The following MAGI1 variants were observed in gnomAD, a reference collection of about 807,000 sequenced individuals.
The protein encoded by MAGI1 is membrane-associated guanylate kinase, WW and PDZ domain-containing protein 1.
Under a neutral mutation model 139.9 loss-of-function variants are expected in MAGI1, and 58 were observed. The ratio of observed to expected loss-of-function variants is 0.41; its 90% CI spans 0.34 to 0.52. The LOEUF is 0.52. Ranked by LOEUF, MAGI1 falls within the 20% of genes least tolerant of loss-of-function variation. The pLI is 0.12. For missense variants in MAGI1, 1,874 were observed against 1,901.6 expected (o/e 0.99, Z 0.27); for synonymous variants, 812 against 737.9 (o/e 1.10, Z -1.63).
At chr3:65,454,598 A>C (rs1168758506) in intron 5 of MAGI1, among the ~76,000 whole-genome samples, 1 of 150,754 alleles carries the variant, frequency 6.6e-6, no homozygotes, top group Non-Finnish European at 1.5e-5. Flanking sequence ...GTTTTTTTAA[A>C]AATTAAGTTC....
chr3:65,734,570 GGAGAGAGAGAGA>G (rs143441869), intron 1 of MAGI1, among the ~76,000 whole-genome samples: 1 of 145,942 alleles, frequency 6.9e-6, no homozygotes, highest in Admixed American at 6.9e-5. Context: ...AGAGAGAGAG[GGAGAGAGAGAGA>G]GAGAGGGAGA....
intron 1 of MAGI1, among the ~76,000 whole-genome samples, chr3:65,834,045 A>AC (rs1240376692): frequency 6.6e-6 from 1 of 152,242 alleles, no homozygotes; most frequent in East Asian, 1.9e-4. Flanking sequence ...TGTGGTGAAC[A>AC]CAACACATGT....
intron 2 of MAGI1, among the ~76,000 whole-genome samples, chr3:65,505,267 A>C (rs1477540449): frequency 6.6e-6 from 1 of 152,180 alleles, no homozygotes; most frequent in African/African-American, 2.4e-5. Flanking sequence ...ATATTAAAAG[A>C]AAATAATTAT....
rs2078659531 is a variant in MAGI1, at chr3:65,530,789, ACG to A, written c.431-37160_431-37159del. ...TATATATATACACACATATATATAC[ACG>A]TATATATATATATACACACATATAT... On this transcript the variant is annotated intron_variant, in intron 2 of 22. Transcript: ENST00000402939. Among the ~76,000 whole-genome samples, 2 of 82,612 alleles carry A rather than the reference ACG, an allele frequency of 2.4e-5. 1 individual carries two copies. The highest frequency in any genetic ancestry group is 4.6e-5 in the Non-Finnish European group (2 of 43,350). 54.2% of individuals were successfully genotyped at this position (82,612 alleles called of 152,430 possible).
rs376038128 is a variant in MAGI1, at chr3:65,442,766, T to C, written c.1136+26A>G. 10 of 1,573,572 alleles carry C rather than the reference T, an allele frequency of 6.4e-6. No homozygotes were observed. The African/African-American group carries it at 8.1e-5, about 13-fold the overall frequency. On this transcript the variant is annotated intron_variant, in intron 8 of 22. Coordinates refer to ENST00000402939, the MANE Select transcript of MAGI1 (RefSeq NM_001033057.2). ...ATAATTATAGAGAGGTATAAACTAA[T>C]GTGTGGATTGTGAATGGGCACTTAC...
intron 1 of MAGI1, among the ~76,000 whole-genome samples, chr3:65,658,676 G>A (rs1468042799): frequency 6.6e-6 from 1 of 152,154 alleles, no homozygotes; most frequent in Non-Finnish European, 1.5e-5. Context: ...CAGCTGGGAG[G>A]AGCAAGGCTA....
chr3:65,652,142 C>CA (rs1248942412), intron 1 of MAGI1, among the ~76,000 whole-genome samples: 3 of 152,100 alleles, frequency 2.0e-5, no homozygotes, highest in African/African-American at 7.2e-5. Context: ...CACGCCTGTG[C>CA]AGTGGAGCCA....
intron 1 of MAGI1, among the ~76,000 whole-genome samples, chr3:65,772,699 C>T (rs1294296150): frequency 6.6e-6 from 1 of 152,176 alleles, no homozygotes; most frequent in Non-Finnish European, 1.5e-5. Flanking sequence ...AATCAGGAAG[C>T]TAACAAACTT....
chr3:65,461,577 C>T (rs556445867), intron 5 of MAGI1, among the ~76,000 whole-genome samples: 1 of 151,644 alleles, frequency 6.6e-6, no homozygotes, highest in East Asian at 2.0e-4. Flanking sequence ...CAAGCTCCGC[C>T]TCCCGGGTTC....
At chr3:65,765,387 A>G (rs939254909) in intron 1 of MAGI1, among the ~76,000 whole-genome samples, 32 of 152,318 alleles carry the variant, frequency 2.1e-4, no homozygotes, top group African/African-American at 7.2e-4. Flanking sequence ...GGACAACTAT[A>G]AAGAAACCAA....
intron 1 of MAGI1, among the ~76,000 whole-genome samples, chr3:65,893,009 G>A (rs543066835): frequency 4.6e-5 from 7 of 152,234 alleles, no homozygotes; most frequent in African/African-American, 1.7e-4. Flanking sequence ...TAACACACCA[G>A]AGAAGGACAC....
chr3:65,989,398 T>C (rs1247620728), intron 1 of MAGI1, among the ~76,000 whole-genome samples: 1 of 152,174 alleles, frequency 6.6e-6, no homozygotes, highest in African/African-American at 2.4e-5. Context: ...GCATTGGTAT[T>C]TTTTTATATC....
At chr3:65,589,089 T>C (rs2081834662) in intron 2 of MAGI1, among the ~76,000 whole-genome samples, 1 of 152,068 alleles carries the variant, frequency 6.6e-6, no homozygotes, top group Non-Finnish European at 1.5e-5. Context: ...GAGTAAACAG[T>C]TTACAGTATG....
intron 1 of MAGI1, among the ~76,000 whole-genome samples, chr3:65,812,460 T>TCACACACACACACACA (rs1241847173): frequency 1.0e-5 from 1 of 99,176 alleles, no homozygotes; most frequent in Admixed American, 1.1e-4. Context: ...TCTCTCTCTC[T>TCACACACACACACACA]CTCTCTCTCA....
At chr3:65,821,567 A>G (rs2041953277) in intron 1 of MAGI1, among the ~76,000 whole-genome samples, 1 of 152,194 alleles carries the variant, frequency 6.6e-6, no homozygotes, top group African/African-American at 2.4e-5. Flanking sequence ...GACTTTGTCA[A>G]TCCAATCTTC....
intron 2 of MAGI1, among the ~76,000 whole-genome samples, chr3:65,498,492 T>C (rs1194241206): frequency 6.6e-6 from 1 of 152,180 alleles, no homozygotes; most frequent in East Asian, 1.9e-4. Flanking sequence ...TTCTCAGATG[T>C]TCACTTATGT....
intron 2 of MAGI1, among the ~76,000 whole-genome samples, chr3:65,568,360 C>A (rs2108054191): frequency 6.6e-6 from 1 of 152,006 alleles, no homozygotes; most frequent in Middle Eastern, 3.4e-3. Flanking sequence ...CTTGTTATAT[C>A]CATGCAGGCA....
chr3:65,480,585 C>CT (rs71102864), intron 3 of MAGI1, among the ~76,000 whole-genome samples: 1,242 of 99,048 alleles, frequency 0.013, 31 homozygotes, highest in African/African-American at 0.04. Flanking sequence ...AATAAGGTTT[C>CT]TTTTTTTTTT....
At chr3:65,525,230 T>C (rs74970410) in intron 2 of MAGI1, among the ~76,000 whole-genome samples, 1,928 of 152,246 alleles carry the variant, frequency 0.013, 33 homozygotes, top group African/African-American at 0.045. Flanking sequence ...ACCACCTCTC[T>C]ATGGACAGAC....
Sources: gnomAD v4.1 joint callset for allele counts (sites outside exome capture counted in the v4.1 genomes callset) on GRCh38, gnomAD v4.1.1 for gene constraint, MANE v1.5 for transcripts, NCBI Gene and HGNC (gene_info 2026-07-23, HGNC 2026-07-21) for gene names.